The following KLHL29 variants were observed in gnomAD, a reference collection of about 807,000 sequenced individuals.
KLHL29 encodes the protein kelch like family member 29, also known as kelch-like protein 29.
In KLHL29, 21 loss-of-function variants were observed where a neutral mutation model predicts 80.4. The observed-to-expected ratio is 0.26, with a 90% CI of 0.19 to 0.38. KLHL29 has a LOEUF of 0.38. KLHL29 is among the 10% of genes least tolerant of loss of function. KLHL29 has a pLI of 1.00. For missense variants in KLHL29, 867 were observed against 1,223.9 expected (o/e 0.71, Z 4.35); for synonymous variants, 511 against 526.8 (o/e 0.97, Z 0.41).
intron 3 of KLHL29, among the ~76,000 whole-genome samples, chr2:23,621,605 C>T (rs1284807023): frequency 2.0e-5 from 3 of 151,888 alleles, no homozygotes; most frequent in Non-Finnish European, 2.9e-5. Context: ...TGGGACAGAC[C>T]CCCCAGACAG....
intron 3 of KLHL29, among the ~76,000 whole-genome samples, chr2:23,602,859 A>T (rs1668608001): frequency 1.3e-5 from 2 of 152,154 alleles, no homozygotes; most frequent in South Asian, 4.1e-4. Flanking sequence ...AGCCCAGGGG[A>T]GCCACACCCC....
chr2:23,578,539 C>T (rs17045618), intron 3 of KLHL29, among the ~76,000 whole-genome samples: 2,969 of 152,270 alleles, frequency 0.019, 121 homozygotes, highest in African/African-American at 0.068. Context: ...GTTATTATTA[C>T]CATCGTCTTC....
At chr2:23,560,758 G>A (rs962446815) in intron 2 of KLHL29, among the ~76,000 whole-genome samples, 2 of 152,222 alleles carry the variant, frequency 1.3e-5, no homozygotes, top group African/African-American at 4.8e-5. Flanking sequence ...GGGGATGATG[G>A]CCACCAGGGC....
At chr2:23,639,378 A>G in intron 4 of KLHL29, 98 bp downstream of exon 4, 1 of 1,240,908 alleles carries the variant, frequency 8.1e-7, no homozygotes, top group Non-Finnish European at 1.1e-6. Context: ...GCAGGTCTTG[A>G]ACCCAGGGCC....
At chr2:23,634,881 G>A (rs978754971) in intron 3 of KLHL29, among the ~76,000 whole-genome samples, 3 of 152,010 alleles carry the variant, frequency 2.0e-5, no homozygotes, top group Admixed American at 1.3e-4. Context: ...TTCATTCATC[G>A]AGCCAGCAGT....
intron 3 of KLHL29, among the ~76,000 whole-genome samples, chr2:23,573,926 C>T (rs1029389872): frequency 1.3e-5 from 2 of 152,154 alleles, no homozygotes; most frequent in South Asian, 2.1e-4. Flanking sequence ...CCAGTTCCTT[C>T]GCAGAAGGGC....
At chr2:23,601,491 G>A (rs1255660236) in intron 3 of KLHL29, among the ~76,000 whole-genome samples, 1 of 152,174 alleles carries the variant, frequency 6.6e-6, no homozygotes, top group Non-Finnish European at 1.5e-5. Flanking sequence ...TCTGTGGTTT[G>A]CCACAGGAAA....
At chr2:23,654,404 C>T (rs1670174999) in intron 5 of KLHL29, among the ~76,000 whole-genome samples, 1 of 152,186 alleles carries the variant, frequency 6.6e-6, no homozygotes, top group Non-Finnish European at 1.5e-5. Flanking sequence ...GGCTCCTAAT[C>T]CATCTGCTCA....
At chr2:23,476,435 G>A (rs1430008470) in intron 2 of KLHL29, among the ~76,000 whole-genome samples, 1 of 152,096 alleles carries the variant, frequency 6.6e-6, no homozygotes, top group Non-Finnish European at 1.5e-5. Flanking sequence ...CCATTTTAGT[G>A]TTTCTTTCCA....
rs569318352 is a variant in KLHL29 at position 23,669,637 on chromosome 2, C to G, written c.941-14762C>G. 3.3e-5 allele frequency: 5 copies of G among 152,226 alleles called. No individual in the cohort carries two copies. Among genetic ancestry groups the G allele is most frequent in the Admixed American group, 6.5e-5 (1 of 15,276 alleles). 9.4% of individuals were successfully genotyped at this position (152,226 alleles called of 1,614,324 possible). On this transcript the variant is annotated intron_variant, in intron 5 of 13. Transcript: ENST00000486442. The surrounding 1 kb of genome is among the most constrained non-coding windows in gnomAD (Gnocchi z 4.3). ...TGCTGGACACAGCCTGTTGGGGAGA[C>G]TGGTCCTTCTCAGCGTTTGTGTTCA... is the stretch of plus-strand genomic sequence containing the variant.
chr2:23,453,265 A>T (rs1270397353), intron 1 of KLHL29, among the ~76,000 whole-genome samples: 1 of 152,198 alleles, frequency 6.6e-6, no homozygotes, highest in Non-Finnish European at 1.5e-5. Context: ...ACCACACCGT[A>T]GCTCAGTCAC....
chr2:23,615,202 G>A (rs1273183363), intron 3 of KLHL29, among the ~76,000 whole-genome samples: 6 of 152,214 alleles, frequency 3.9e-5, no homozygotes, highest in African/African-American at 1.2e-4. Flanking sequence ...TCACAAGCCC[G>A]GGGGCAGGCT....
chr2:23,509,702 T>C (rs572117006), intron 2 of KLHL29, among the ~76,000 whole-genome samples: 112 of 152,104 alleles, frequency 7.4e-4, no homozygotes, highest in Non-Finnish European at 1.4e-3. Flanking sequence ...AATCTTATAG[T>C]ATTAAAACTC....
chr2:23,477,179 T>C (rs1007185797), intron 2 of KLHL29, among the ~76,000 whole-genome samples: 1 of 152,268 alleles, frequency 6.6e-6, no homozygotes, highest in African/African-American at 2.4e-5. Context: ...TGCTGTATTC[T>C]CAGCCGCCCA....
At chr2:23,461,606 C>A (rs1294225880) in intron 1 of KLHL29, among the ~76,000 whole-genome samples, 1 of 151,832 alleles carries the variant, frequency 6.6e-6, no homozygotes, top group Non-Finnish European at 1.5e-5. Flanking sequence ...GCTGCCTAAG[C>A]CTTTTAAATG....
chr2:23,504,793 C>T (rs140535463), intron 2 of KLHL29, among the ~76,000 whole-genome samples: 2 of 152,220 alleles, frequency 1.3e-5, no homozygotes, highest in Non-Finnish European at 2.9e-5. Flanking sequence ...CGTGGCAGCT[C>T]CCCTCAGTCT....
rs1256056563 is a variant in KLHL29 at position 23,385,766 on chromosome 2, A to G, written c.-168A>G. 2 of 5,988 alleles carry G rather than the reference A, an allele frequency of 3.3e-4. No individual in the cohort carries two copies. Among genetic ancestry groups the G allele is most frequent in the East Asian group, 0.038 (1 of 26 alleles). The allele number at this position is 5,988 out of a possible 1,614,324, so 0.4% of individuals were successfully genotyped here. On this transcript the variant is annotated 5_prime_UTR_variant, in exon 1 of 14. Transcript: ENST00000486442. ...TCTCTGCGCGTCGGGCCGGGGCCGG[A>G]GCCGCGCGCCGGAGGTAAGAGCCGG... is the stretch of plus-strand genomic sequence containing the variant.
intron 1 of KLHL29, among the ~76,000 whole-genome samples, chr2:23,450,328 A>C (rs1663839581): frequency 6.6e-6 from 1 of 152,180 alleles, no homozygotes; most frequent in Non-Finnish European, 1.5e-5. Flanking sequence ...GTGAAGGGTC[A>C]GGGTTGTTTT....
intron 3 of KLHL29, among the ~76,000 whole-genome samples, chr2:23,587,598 A>G (rs1668152229): frequency 6.6e-6 from 1 of 152,184 alleles, no homozygotes; most frequent in Admixed American, 6.5e-5. Flanking sequence ...AACCAGTTGC[A>G]GTGTTAACAG....
Sources: allele counts gnomAD v4.1 joint callset (sites outside exome capture counted in the v4.1 genomes callset), GRCh38; gene constraint gnomAD v4.1.1; non-coding constraint Gnocchi (gnomAD v3.1); transcripts MANE v1.5; gene names NCBI Gene and HGNC (gene_info 2026-07-23, HGNC 2026-07-21).